The following UBE2D2 variants were observed in gnomAD, a reference collection of about 807,000 sequenced individuals.
UBE2D2 encodes ubiquitin-conjugating enzyme E2 D2.
Under a neutral mutation model 24.2 loss-of-function variants are expected in UBE2D2, and 2 were observed. The observed-to-expected ratio is 0.08, with a 90% CI of 0.03 to 0.26. UBE2D2 has a LOEUF of 0.26. Ranked by LOEUF, UBE2D2 falls within the 10% of genes least tolerant of loss-of-function variation. UBE2D2 has a pLI of 1.00. For missense variants in UBE2D2, 44 were observed against 177.6 expected, an observed-to-expected ratio of 0.25 and a Z score of 4.28; for synonymous variants, 58 against 56.5, an observed-to-expected ratio of 1.03 and a Z score of -0.12.
intron 1 of UBE2D2, among the ~76,000 whole-genome samples, chr5:139,540,765 C>T (rs1189255822): frequency 6.6e-6 from 1 of 151,952 alleles, no homozygotes. Flanking sequence ...CCAAGGTGGG[C>T]GGATCACCTG....
At chr5:139,534,804 A>G (rs1277672345) in intron 1 of UBE2D2, among the ~76,000 whole-genome samples, 1 of 152,118 alleles carries the variant, frequency 6.6e-6, no homozygotes, top group Non-Finnish European at 1.5e-5. Flanking sequence ...CATTTGTACA[A>G]TAATATTTCC....
chr5:139,588,246 G>A (rs1050168814), intron 1 of UBE2D2, among the ~76,000 whole-genome samples: 10 of 151,494 alleles, frequency 6.6e-5, no homozygotes, highest in African/African-American at 2.2e-4. Context: ...GCCTTGTTTA[G>A]CGTTTTTTTT....
chr5:139,567,306 G>A (rs1581496468), intron 1 of UBE2D2, among the ~76,000 whole-genome samples: 1 of 152,010 alleles, frequency 6.6e-6, no homozygotes, highest in Non-Finnish European at 1.5e-5. Context: ...CACCATATTG[G>A]CCAGGCTGGT....
chr5:139,564,380 C>T (rs1165384073), intron 1 of UBE2D2, among the ~76,000 whole-genome samples: 2 of 151,888 alleles, frequency 1.3e-5, no homozygotes, highest in Non-Finnish European at 2.9e-5. Context: ...TTTCTAGTTC[C>T]TGACCTCCGG....
chr5:139,548,197 T>TA (rs1341232753), intron 1 of UBE2D2, among the ~76,000 whole-genome samples: 5 of 35,684 alleles, frequency 1.4e-4, no homozygotes, highest in African/African-American at 7.9e-4. Context: ...AAAAAAAAAA[T>TA]AAATAAATAA....
chr5:139,559,908 A>G (rs1431354819), upstream of UBE2D2, among the ~76,000 whole-genome samples: 1 of 152,166 alleles, frequency 6.6e-6, no homozygotes, highest in Admixed American at 6.6e-5. Flanking sequence ...GTCATGGTGT[A>G]GGGCTGGGCA....
chr5:139,625,422 C>A, intron 6 of UBE2D2, among the ~76,000 whole-genome samples: 1 of 45,022 alleles, frequency 2.2e-5, no homozygotes, highest in Admixed American at 3.2e-4. Flanking sequence ...GCCAGCATAC[C>A]CACCCCCACC....
intron 1 of UBE2D2, among the ~76,000 whole-genome samples, chr5:139,536,233 G>T (rs187486758): frequency 6.6e-5 from 10 of 152,164 alleles, no homozygotes; most frequent in Non-Finnish European, 1.5e-5. Context: ...CGGAGTAGCT[G>T]GGATTACAGG....
chr5:139,539,424 G>A (rs1310319509), intron 1 of UBE2D2, among the ~76,000 whole-genome samples: 1 of 152,086 alleles, frequency 6.6e-6, no homozygotes, highest in East Asian at 1.9e-4. Flanking sequence ...TAATTGCCAG[G>A]GCTTAGGGAG....
At position 139,561,755 on chromosome 5, in the gene UBE2D2, TC is replaced by T; in HGVS notation, c.-33del. The T allele has an allele frequency of 1.8e-6, 2 of 1,088,250 alleles. No homozygotes were observed. Among genetic ancestry groups the T allele is most frequent in the Non-Finnish European group, 2.5e-6 (2 of 794,486 alleles). 67.4% of individuals were successfully genotyped at this position (1,088,250 alleles called of 1,614,324 possible). A position where few individuals can be genotyped will look rare whatever the true frequency, so the allele number is the denominator to read the frequency against. On this transcript the variant is annotated 5_prime_UTR_variant, in exon 1 of 7. Coordinates refer to ENST00000398733, the MANE Select transcript of UBE2D2 (RefSeq NM_003339.3). ...CTTCCCCGTCCCTTCCCCGCCCCCG[TC>T]CCCGCCCCGGGGGCCGCCGCCACCC...
intron 6 of UBE2D2, chr5:139,623,684 ACTTTTTTTTTTGTTTGTTTTT>A (rs1754560758): frequency 5.1e-6 from 2 of 394,730 alleles, no homozygotes; most frequent in African/African-American, 4.1e-5. Context: ...GTCTACAAAA[ACTTTTTTTTTTGTTTGTTTTT>A]TTTTGAGACA....
upstream of UBE2D2, among the ~76,000 whole-genome samples, chr5:139,560,910 C>T (rs1156786351): frequency 1.3e-5 from 2 of 152,202 alleles, no homozygotes; most frequent in African/African-American, 2.4e-5. Context: ...AAGAGATGTG[C>T]TAAGTCCCAG....
intron 1 of UBE2D2, among the ~76,000 whole-genome samples, chr5:139,529,811 C>T (rs1195054502): frequency 6.6e-6 from 1 of 152,120 alleles, no homozygotes; most frequent in Non-Finnish European, 1.5e-5. Flanking sequence ...TGTGCCAGTA[C>T]CTGAGATTCC....
At chr5:139,550,421 A>G (rs1752894941) in intron 1 of UBE2D2, among the ~76,000 whole-genome samples, 1 of 152,100 alleles carries the variant, frequency 6.6e-6, no homozygotes, top group African/African-American at 2.4e-5. Flanking sequence ...TGTCTGTAAA[A>G]TGGACCAATC....
chr5:139,585,530 T>C (rs2126669943), intron 1 of UBE2D2, among the ~76,000 whole-genome samples: 1 of 152,162 alleles, frequency 6.6e-6, no homozygotes, highest in South Asian at 2.1e-4. Context: ...GCCTGGCCTA[T>C]AGACTTTCTG....
chr5:139,574,298 T>G (rs1214582125), intron 1 of UBE2D2, among the ~76,000 whole-genome samples: 4 of 148,658 alleles, frequency 2.7e-5, no homozygotes, highest in Non-Finnish European at 6.0e-5. Context: ...AAAAAAAAAG[T>G]AAAATTTAGA....
chr5:139,606,817 T>G (rs2126693094), intron 2 of UBE2D2, among the ~76,000 whole-genome samples: 1 of 152,284 alleles, frequency 6.6e-6, no homozygotes, highest in African/African-American at 2.4e-5. Flanking sequence ...GCTATTTCTC[T>G]TTTCTTGAGA....
chr5:139,622,504 A>G (rs1019888825), intron 5 of UBE2D2, among the ~76,000 whole-genome samples: 32 of 150,188 alleles, frequency 2.1e-4, no homozygotes, highest in African/African-American at 7.6e-4. Context: ...CCGCCTCCCA[A>G]AGTGCTGGGA....
intron 1 of UBE2D2, among the ~76,000 whole-genome samples, chr5:139,584,662 A>G (rs563214906): frequency 3.3e-4 from 49 of 148,190 alleles, no homozygotes; most frequent in Admixed American, 2.0e-3. Context: ...CCTCCCTAGT[A>G]GCTGGGATTA....
Sources: gnomAD v4.1 joint callset for allele counts (sites outside exome capture counted in the v4.1 genomes callset) on GRCh38, gnomAD v4.1.1 for gene constraint, MANE v1.5 for transcripts, NCBI Gene and HGNC (gene_info 2026-07-23, HGNC 2026-07-21) for gene names.